Variants in RBM47 observed in about 807,000 individuals in gnomAD.
The protein encoded by RBM47 is RNA binding motif protein 47, also known as RNA-binding protein 47.
In RBM47, 21 loss-of-function variants were observed where a neutral mutation model predicts 47.1. That is an observed-to-expected ratio of 0.45 (90% CI 0.32 to 0.64). The LOEUF (loss-of-function observed/expected upper bound fraction) is 0.64, where lower values mean the gene tolerates loss of function less well. RBM47 is among the 30% of genes least tolerant of loss of function. The pLI is 0.05. For synonymous variants in RBM47, 375 were observed against 361.7 expected (o/e 1.04, Z -0.42); for missense variants, 708 against 870.9 (o/e 0.81, Z 2.35).
At chr4:40,614,765 A>C (rs1736571243) in intron 1 of RBM47, among the ~76,000 whole-genome samples, 1 of 152,288 alleles carries the variant, frequency 6.6e-6, no homozygotes, top group South Asian at 2.1e-4. Context: ...TAGAAGGCCA[A>C]GGCTGCAGTG....
intron 3 of RBM47, among the ~76,000 whole-genome samples, chr4:40,461,357 A>G (rs1330991873): frequency 6.6e-6 from 1 of 152,238 alleles, no homozygotes; most frequent in Non-Finnish European, 1.5e-5. Context: ...TCGAGTTAAT[A>G]AAGTGTGAAA....
intron 2 of RBM47, among the ~76,000 whole-genome samples, chr4:40,508,368 G>A (rs1210053688): frequency 1.3e-5 from 2 of 152,070 alleles, no homozygotes; most frequent in African/African-American, 4.8e-5. Flanking sequence ...ACCCTTTCAG[G>A]TCATAATATT....
At chr4:40,493,354 G>C (rs1161254416) in intron 2 of RBM47, among the ~76,000 whole-genome samples, 1 of 152,188 alleles carries the variant, frequency 6.6e-6, no homozygotes, top group Non-Finnish European at 1.5e-5. Context: ...GGTTGAGGAG[G>C]AGGAAGAAGG....
chr4:40,432,553 C>T, intron 6 of RBM47, 98 bp downstream of exon 6: 1 of 1,557,506 alleles, frequency 6.4e-7, no homozygotes, highest in Non-Finnish European at 8.7e-7. Flanking sequence ...TAACAGAGAG[C>T]CAGGCACACA....
intron 3 of RBM47, among the ~76,000 whole-genome samples, chr4:40,464,815 C>T (rs1056582637): frequency 2.9e-5 from 4 of 136,374 alleles, no homozygotes; most frequent in East Asian, 4.7e-4. Context: ...GGCGTGAACC[C>T]GGGAGGCAGA....
intron 1 of RBM47, among the ~76,000 whole-genome samples, chr4:40,557,620 G>A (rs897072435): frequency 1.3e-5 from 2 of 152,094 alleles, no homozygotes; most frequent in Admixed American, 6.5e-5. Flanking sequence ...ATGGTGGTGG[G>A]TGCCAGAAAT....
intron 1 of RBM47, among the ~76,000 whole-genome samples, chr4:40,607,461 C>G (rs899339423): frequency 6.6e-5 from 10 of 152,290 alleles, no homozygotes; most frequent in African/African-American, 2.4e-4. Context: ...AATCCCAGCA[C>G]TTTAAGAGGC....
chr4:40,519,544 AC>A (rs1725974913), intron 2 of RBM47, among the ~76,000 whole-genome samples: 1 of 149,734 alleles, frequency 6.7e-6, no homozygotes. Flanking sequence ...TGATCTGCCC[AC>A]CTCGGCCTCC....
chr4:40,491,332 G>C (rs903812935), intron 2 of RBM47, among the ~76,000 whole-genome samples: 1 of 152,144 alleles, frequency 6.6e-6, no homozygotes, highest in Middle Eastern at 3.2e-3. Context: ...AATCATTATA[G>C]ATCAACCACC....
intron 1 of RBM47, among the ~76,000 whole-genome samples, chr4:40,608,936 G>A (rs1300555435): frequency 6.6e-6 from 1 of 152,138 alleles, no homozygotes; most frequent in African/African-American, 2.4e-5. Flanking sequence ...GAGATGACAC[G>A]AAACATGTGA....
At chr4:40,611,292 G>A (rs1256671337) in intron 1 of RBM47, among the ~76,000 whole-genome samples, 9 of 152,216 alleles carry the variant, frequency 5.9e-5, no homozygotes, top group Admixed American at 2.6e-4. Context: ...TTTTGCTTAC[G>A]TGTCTGATTT....
chr4:40,479,025 A>G (rs536212269), intron 2 of RBM47, among the ~76,000 whole-genome samples: 2 of 152,356 alleles, frequency 1.3e-5, no homozygotes, highest in Middle Eastern at 3.4e-3. Flanking sequence ...AAAGGTGTCA[A>G]ACACTGATAA....
chr4:40,538,409 C>G (rs886485128), intron 2 of RBM47, among the ~76,000 whole-genome samples: 1 of 149,514 alleles, frequency 6.7e-6, no homozygotes, highest in Non-Finnish European at 1.5e-5. Flanking sequence ...TCACTGCAAC[C>G]TCCGCCTCCC....
chr4:40,492,349 C>T (rs1412691395), intron 2 of RBM47, among the ~76,000 whole-genome samples: 2 of 151,912 alleles, frequency 1.3e-5, no homozygotes, highest in East Asian at 1.9e-4. Context: ...GGTGACAGAG[C>T]GAGACCCTGT....
At position 40,476,241 on chromosome 4, in the gene RBM47, T is replaced by A. The variant is rs553961494; in HGVS notation, c.-154-9542A>T. On this transcript the variant is annotated intron_variant, in intron 2 of 6. Coordinates refer to ENST00000295971, the MANE Select transcript of RBM47 (RefSeq NM_001098634.2). Reference sequence around the variant, plus strand: ...AAAGCTCCTGGCATATAGAAAGTACTCAAAAAGTGTTACTAGGATTTCTTA... The same window carrying A: ...AAAGCTCCTGGCATATAGAAAGTACACAAAAAGTGTTACTAGGATTTCTTA... Among the ~76,000 whole-genome samples, 3 of 152,240 alleles carry A rather than the reference T, an allele frequency of 2.0e-5. No individual in the cohort carries two copies. The South Asian group carries it at 6.2e-4, about 32-fold the overall frequency.
At chr4:40,616,333 G>T (rs1485955824) in intron 1 of RBM47, among the ~76,000 whole-genome samples, 1 of 138,262 alleles carries the variant, frequency 7.2e-6, no homozygotes, top group Admixed American at 7.7e-5. Context: ...CAGCCTGGGC[G>T]ACAGAGCGAG....
rs1311464976 is a variant in RBM47 at position 40,423,696 on chromosome 4, CTT to C, written c.*2206_*2207del. ...TCTTTCTTTCTTTCTTTCTTTCTTT[CTT>C]TCTTTCTTTCTTTCTTTTCTTTCTT... On this transcript the variant is annotated 3_prime_UTR_variant, in exon 7 of 7. Coordinates refer to ENST00000295971, the MANE Select transcript of RBM47 (RefSeq NM_001098634.2). 6 of 94,822 alleles carry C rather than the reference CTT, an allele frequency of 6.3e-5. No individual in the cohort carries two copies. Among genetic ancestry groups the C allele is most frequent in the African/African-American group, 3.4e-4 (6 of 17,454 alleles). The allele number at this position is 94,822 out of a possible 1,614,324, so 5.9% of individuals were successfully genotyped here.
chr4:40,487,717 T>C lies in RBM47; in HGVS notation c.-154-21018A>G, dbSNP rs572564254. Among the ~76,000 whole-genome samples, 4 of 152,272 alleles carry C rather than the reference T, an allele frequency of 2.6e-5. No homozygotes were observed. The South Asian group carries it at 8.3e-4, about 32-fold the overall frequency. ...AAGAATAAGAATGGCAAGCCCCAAG[T>C]ATGAAGAGATAAATCAAATTTAATT... On this transcript the variant is annotated intron_variant, in intron 2 of 6. Coordinates refer to ENST00000295971, the MANE Select transcript of RBM47 (RefSeq NM_001098634.2).
At chr4:40,600,846 G>A (rs374993579) in intron 1 of RBM47, among the ~76,000 whole-genome samples, 34 of 151,328 alleles carry the variant, frequency 2.2e-4, no homozygotes, top group African/African-American at 7.0e-4. Context: ...TTAGCCAGGC[G>A]TGGTGCCAGG....
Sources: allele counts gnomAD v4.1 joint callset (sites outside exome capture counted in the v4.1 genomes callset), GRCh38; gene constraint gnomAD v4.1.1; transcripts MANE v1.5; gene names NCBI Gene and HGNC (gene_info 2026-07-23, HGNC 2026-07-21).